The following MTRR variants were observed in gnomAD, a reference collection of about 807,000 sequenced individuals.
MTRR encodes 5-methyltetrahydrofolate-homocysteine methyltransferase reductase, also known as methionine synthase reductase.
A neutral mutation model predicts 79.2 loss-of-function variants in MTRR; 63 were observed. The observed-to-expected ratio is 0.80, with a 90% CI of 0.65 to 0.98. MTRR has a LOEUF of 0.98. Ranked by LOEUF, MTRR falls within the 50% of genes least tolerant of loss-of-function variation. MTRR has a pLI of 0.00. For missense variants in MTRR, 895 were observed against 839.6 expected, an observed-to-expected ratio of 1.07 and a Z score of -0.82; for synonymous variants, 355 against 313.3, an observed-to-expected ratio of 1.13 and a Z score of -1.41.
In MTRR at chr5:7,855,329, AAG is replaced by A. The variant is rs367974095; in HGVS notation, n.391+3746_391+3747del. Reference sequence around the variant, plus strand: ...CAATGGCTGAATGATTAGATAAAAAAAGAAAAAAAGCTTATCAATTATAGATG... The same window carrying A: ...CAATGGCTGAATGATTAGATAAAAAAAAAAAAAGCTTATCAATTATAGATG... On this transcript the variant is annotated intron_variant and non_coding_transcript_variant, in intron 1 of 3. Coordinates refer to the MTRR transcript ENST00000502509. Among the ~76,000 whole-genome samples the A allele has an allele frequency of 2.7e-3, 407 of 151,666 alleles. 3 individuals are homozygous for A. The highest frequency in any genetic ancestry group is 9.1e-3 in the African/African-American group (371 of 40,970).
chr5:7,874,162 A>T (rs1272139089), intron 3 of MTRR, among the ~76,000 whole-genome samples: 1 of 152,194 alleles, frequency 6.6e-6, no homozygotes, highest in East Asian at 1.9e-4. Context: ...ATGTTAAAGG[A>T]TCAAAAGAAC....
At chr5:7,869,005 G>T (rs772983940), upstream of MTRR, 2 of 1,062,456 alleles carry the variant, frequency 1.9e-6, no homozygotes, top group Admixed American at 1.7e-5. Flanking sequence ...ATCACTCCGG[G>T]TGGTCGCGGA....
intron 1 of MTRR, among the ~76,000 whole-genome samples, chr5:7,852,221 G>C (rs1746097038): frequency 6.6e-6 from 1 of 152,180 alleles, no homozygotes; most frequent in Admixed American, 6.5e-5. Context: ...CAACTAGGTA[G>C]GAATCTCTTG....
chr5:7,893,540 T>C (rs535500614), intron 11 of MTRR: 1 of 153,168 alleles, frequency 6.5e-6, no homozygotes, highest in African/African-American at 2.4e-5. Flanking sequence ...CTCAGTGACA[T>C]CTTTTTATGT....
chr5:7,893,197 A>C, intron 11 of MTRR: 1 of 426,240 alleles, frequency 2.3e-6, no homozygotes, highest in Non-Finnish European at 4.3e-6. Context: ...TATTCTTGGT[A>C]CATTGGCCTG....
At chr5:7,858,909 ATT>A (rs1746344917) in intron 1 of MTRR, among the ~76,000 whole-genome samples, 1 of 152,046 alleles carries the variant, frequency 6.6e-6, no homozygotes, top group South Asian at 2.1e-4. Context: ...TTGCTTTTCC[ATT>A]TCTCTAAATA....
At chr5:7,864,422 AAGAC>A (rs1382320263), upstream of MTRR, among the ~76,000 whole-genome samples, 5 of 152,190 alleles carry the variant, frequency 3.3e-5, no homozygotes, top group African/African-American at 1.2e-4. Flanking sequence ...GAAGTCATAA[AAGAC>A]AGATTCGACT....
intron 1 of MTRR, among the ~76,000 whole-genome samples, chr5:7,854,538 A>C (rs758180991): frequency 6.6e-6 from 1 of 152,078 alleles, no homozygotes; most frequent in East Asian, 1.9e-4. Context: ...ATGGCAGGAG[A>C]TGAAAGGCAC....
chr5:7,879,830 G>T (rs764911754), intron 5 of MTRR, among the ~76,000 whole-genome samples: 5 of 152,188 alleles, frequency 3.3e-5, no homozygotes, highest in Non-Finnish European at 7.3e-5. Flanking sequence ...GGGTTGTGTG[G>T]TAGAGCGGCA....
chr5:7,870,155 G>A (rs956275528), intron 1 of MTRR: 7 of 790,750 alleles, frequency 8.9e-6, no homozygotes, highest in Non-Finnish European at 9.2e-6. Flanking sequence ...ATATGCACCC[G>A]TTTGTATATA....
At chr5:7,868,469 T>G (rs1427253095), upstream of MTRR, among the ~76,000 whole-genome samples, 4 of 152,192 alleles carry the variant, frequency 2.6e-5, no homozygotes, top group Admixed American at 2.6e-4. Flanking sequence ...TCAGGCAATG[T>G]AGCTCTTAAG....
rs774692169 is a variant in MTRR at position 7,878,116 on chromosome 5, GA to G, written c.575del (p.Glu192GlyfsTer3). 1 of 1,614,024 alleles carries G rather than the reference GA, an allele frequency of 6.2e-7. No individual in the cohort carries two copies. ...SELLHIESQV[E>X]LLRFDDSGRK... ...GCTGCTACACATTGAATCTCAAGTC[GA>G]GCTTCTGAGATTCGATGATTCAGGA... On this transcript the variant is annotated frameshift_variant, in exon 5 of 15. Coordinates refer to ENST00000440940, the MANE Select transcript of MTRR (RefSeq NM_002454.3). LOFTEE classifies it high-confidence loss of function.
intron 1 of MTRR, among the ~76,000 whole-genome samples, chr5:7,855,538 T>G (rs2126577205): frequency 6.6e-6 from 1 of 152,210 alleles, no homozygotes; most frequent in East Asian, 1.9e-4. Context: ...GATGGGGTTT[T>G]GCTCTGCCAC....
At chr5:7,853,780 C>G (rs559938323) in intron 1 of MTRR, among the ~76,000 whole-genome samples, 1 of 152,324 alleles carries the variant, frequency 6.6e-6, no homozygotes, top group African/African-American at 2.4e-5. Context: ...CTTGTACGAC[C>G]ACTGCCCCAG....
In MTRR at chr5:7,889,212, G is replaced by T. The variant is rs1339430227; in HGVS notation, c.1264G>T (p.Ala422Ser). Reference sequence around the variant, plus strand: ...TAGCCGCTTTGTACGAGATGCCTGTGCCTGCTTGTTGGATCTCCTCCTCGC... The same window carrying T: ...TAGCCGCTTTGTACGAGATGCCTGTTCCTGCTTGTTGGATCTCCTCCTCGC... ...DYSRFVRDAC[A>S]CLLDLLLAFP... The change falls in exon 9 of 15, where the codon GCC (alanine) becomes TCC (serine). Residue 422 changes from alanine (A) to serine (S), a missense_variant. Ala to Ser is a moderately conservative substitution (Grantham distance 99, BLOSUM62 1). Transcript: ENST00000440940. 4 of 1,613,584 alleles carry T rather than the reference G, an allele frequency of 2.5e-6. No homozygotes were observed. In the South Asian group the frequency reaches 3.3e-5, roughly 13 times the overall value.
chr5:7,868,206 A>T, upstream of MTRR: 12 of 398,548 alleles, frequency 3.0e-5, no homozygotes, highest in Middle Eastern at 6.6e-4. Context: ...TCTGGAAAAA[A>T]AAAAAAAAAA....
intron 9 of MTRR, chr5:7,890,477 C>T (rs1225681167): frequency 5.4e-6 from 5 of 931,426 alleles, no homozygotes; most frequent in South Asian, 9.9e-5. Flanking sequence ...CAATTCTTTT[C>T]GTAGATTTTT....
At chr5:7,885,182 A>G (rs920196861) in intron 6 of MTRR, 1 of 163,270 alleles carries the variant, frequency 6.1e-6, no homozygotes. Flanking sequence ...CACAACCAGT[A>G]TCGAGCCAGA....
chr5:7,867,435 T>C (rs1242283171), upstream of MTRR: 1 of 1,614,180 alleles, frequency 6.2e-7, no homozygotes, highest in Non-Finnish European at 8.5e-7. Flanking sequence ...ATACAAAGAT[T>C]GCGAACTTCC....
Sources: gnomAD v4.1 joint callset for allele counts (sites outside exome capture counted in the v4.1 genomes callset) on GRCh38, gnomAD v4.1.1 for gene constraint, MANE v1.5 for transcripts, NCBI Gene and HGNC (gene_info 2026-07-23, HGNC 2026-07-21) for gene names.